Variants in AMPH observed in about 807,000 individuals in gnomAD.
The protein encoded by AMPH is amphiphysin (Stiff-Mann syndrome with breast cancer 128kD autoantigen).
Under a neutral mutation model 99.1 loss-of-function variants are expected in AMPH, and 49 were observed. The observed-to-expected ratio is 0.49, with a 90% confidence interval of 0.39 to 0.63. AMPH has a LOEUF of 0.63. AMPH is among the 20% of genes least tolerant of loss of function. The pLI, the probability that AMPH is intolerant of heterozygous loss-of-function variation, is 0.00. For missense variants in AMPH, 759 were observed against 863.4 expected (o/e 0.88, Z 1.52); for synonymous variants, 314 against 317.3 (o/e 0.99, Z 0.11).
intron 2 of AMPH, among the ~76,000 whole-genome samples, chr7:38,526,615 T>G (rs1790200040): frequency 6.6e-6 from 1 of 150,976 alleles, no homozygotes; most frequent in Non-Finnish European, 1.5e-5. Context: ...TGGAACTGTT[T>G]AACTTATTTT....
chr7:38,559,932 C>T (rs1465272900), intron 1 of AMPH, among the ~76,000 whole-genome samples: 3 of 152,178 alleles, frequency 2.0e-5, no homozygotes, highest in Non-Finnish European at 2.9e-5. Context: ...AACCAGTCCA[C>T]TTGAAGCACA....
intron 2 of AMPH, among the ~76,000 whole-genome samples, 173 bp downstream of exon 2, chr7:38,534,758 A>G (rs1790535500): frequency 6.6e-6 from 1 of 152,144 alleles, no homozygotes; most frequent in Non-Finnish European, 1.5e-5. Context: ...CCTACTCTCT[A>G]TGGCTCTTTC....
chr7:38,510,251 G>A (rs557097781), intron 2 of AMPH, among the ~76,000 whole-genome samples: 61 of 152,158 alleles, frequency 4.0e-4, no homozygotes, highest in African/African-American at 1.2e-3. Context: ...GTGTGCGTGC[G>A]TCCCTGTTGC....
chr7:38,596,983 C>A (rs555124449), intron 1 of AMPH, among the ~76,000 whole-genome samples: 1 of 152,208 alleles, frequency 6.6e-6, no homozygotes, highest in Non-Finnish European at 1.5e-5. Flanking sequence ...AGTCCCCTGC[C>A]GCCCGGCCCA....
chr7:38,409,682 C>G (rs1048192013), intron 17 of AMPH, among the ~76,000 whole-genome samples: 2 of 152,166 alleles, frequency 1.3e-5, no homozygotes, highest in Non-Finnish European at 2.9e-5. Flanking sequence ...GCAGTCCTAT[C>G]ATGAACCCTC....
At chr7:38,494,593 C>T (rs897572355) in intron 3 of AMPH, 66 bp from the exon 4 acceptor site, 55 of 1,427,972 alleles carry the variant, frequency 3.9e-5, no homozygotes, top group Admixed American at 1.8e-4. Context: ...TCCCTTCCTC[C>T]ACTTTCTTAA....
intron 1 of AMPH, among the ~76,000 whole-genome samples, chr7:38,605,035 T>G (rs1793385442): frequency 6.6e-6 from 1 of 151,996 alleles, no homozygotes; most frequent in Non-Finnish European, 1.5e-5. Context: ...AAACACAAAT[T>G]TCTGTGGCAA....
intron 1 of AMPH, among the ~76,000 whole-genome samples, chr7:38,600,054 G>A (rs1793193311): frequency 6.6e-6 from 1 of 151,982 alleles, no homozygotes; most frequent in South Asian, 2.1e-4. Context: ...ATTTGAGAGT[G>A]GCCTTTGGAT....
At chr7:38,629,704 G>A (rs1794385773) in intron 1 of AMPH, among the ~76,000 whole-genome samples, 1 of 152,194 alleles carries the variant, frequency 6.6e-6, no homozygotes, top group South Asian at 2.1e-4. Context: ...TTACTTGGAA[G>A]GCAGGAGGAG....
intron 1 of AMPH, among the ~76,000 whole-genome samples, chr7:38,574,099 G>T (rs1002924992): frequency 6.6e-6 from 1 of 152,162 alleles, no homozygotes; most frequent in East Asian, 1.9e-4. Context: ...GTAAAATTTT[G>T]TTTTTTGCTA....
At chr7:38,554,212 A>G (rs1791283186) in intron 1 of AMPH, among the ~76,000 whole-genome samples, 1 of 152,198 alleles carries the variant, frequency 6.6e-6, no homozygotes, top group Non-Finnish European at 1.5e-5. Flanking sequence ...TGTGCACATT[A>G]TGATTTCTGG....
At chr7:38,466,863 C>T (rs1288553653) in intron 7 of AMPH, among the ~76,000 whole-genome samples, 4 of 151,976 alleles carry the variant, frequency 2.6e-5, no homozygotes, top group African/African-American at 9.7e-5. Flanking sequence ...CATAAGCTGC[C>T]CCTTCATAAT....
At chr7:38,598,394 C>T (rs1167231854) in intron 1 of AMPH, among the ~76,000 whole-genome samples, 5 of 151,916 alleles carry the variant, frequency 3.3e-5, no homozygotes, top group African/African-American at 1.2e-4. Flanking sequence ...CCTCTGCCTC[C>T]CAGGTTCAAG....
At chr7:38,471,986 C>T (rs1787904339) in intron 7 of AMPH, among the ~76,000 whole-genome samples, 1 of 152,044 alleles carries the variant, frequency 6.6e-6, no homozygotes. Flanking sequence ...TAAGCAAAAG[C>T]TGACAGAAAT....
chr7:38,436,575 T>C (rs1786275686), intron 11 of AMPH, among the ~76,000 whole-genome samples, 187 bp from the exon 12 acceptor site: 1 of 152,304 alleles, frequency 6.6e-6, no homozygotes, highest in Admixed American at 6.5e-5. Flanking sequence ...AGGAAATAAC[T>C]AACTCTGGCC....
At chr7:38,454,611 A>G (rs1311814152) in intron 11 of AMPH, among the ~76,000 whole-genome samples, 2 of 152,072 alleles carry the variant, frequency 1.3e-5, no homozygotes, top group Non-Finnish European at 2.9e-5. Flanking sequence ...GAACCCAGGT[A>G]TATTCAAAAT....
chr7:38,571,093 T>TGAATATATATA (rs1307059587), intron 1 of AMPH, among the ~76,000 whole-genome samples: 72 of 66,204 alleles, frequency 1.1e-3, no homozygotes, highest in South Asian at 1.3e-3. Context: ...ATTCATATAT[T>TGAATATATATA]GAATATATAT....
At chr7:38,417,667 G>C (rs1352830540) in intron 17 of AMPH, among the ~76,000 whole-genome samples, 158 bp downstream of exon 17, 1 of 152,204 alleles carries the variant, frequency 6.6e-6, no homozygotes, top group African/African-American at 2.4e-5. Flanking sequence ...AAAAATGAAA[G>C]AGAACAGGCA....
chr7:38,422,554 GTATCTATCTATCTATCTATCTATC>G (rs57006229), intron 15 of AMPH, 77 bp from the exon 16 acceptor site: 42 of 785,086 alleles, frequency 5.3e-5, no homozygotes, highest in East Asian at 5.2e-4. Context: ...GTCTGCCTAC[GTATCTATCTATCTATCTATCTATC>G]TATCTATCTA....
Sources: allele counts gnomAD v4.1 joint callset (sites outside exome capture counted in the v4.1 genomes callset), GRCh38; gene constraint gnomAD v4.1.1; transcripts MANE v1.5; gene names NCBI Gene and HGNC (gene_info 2026-07-23, HGNC 2026-07-21).